The following PLD5 variants were observed in gnomAD, a reference collection of about 807,000 sequenced individuals.
PLD5 encodes the protein inactive phospholipase D5.
A neutral mutation model predicts 61.1 loss-of-function variants in PLD5; 36 were observed. The ratio of observed to expected loss-of-function variants is 0.59; its 90% CI spans 0.45 to 0.78. PLD5 has a LOEUF of 0.78. Ranked by LOEUF, PLD5 falls within the 30% of genes least tolerant of loss-of-function variation. The probability of loss-of-function intolerance (pLI) is 0.00; values close to 1 mark genes in which losing one functional copy is unlikely to be tolerated. For synonymous variants in PLD5, 243 were observed against 242.8 expected (o/e 1.00, Z -0.01); for missense variants, 515 against 644.4 (o/e 0.80, Z 2.17).
intron 1 of PLD5, among the ~76,000 whole-genome samples, chr1:242,437,355 C>T (rs12047367): frequency 0.07 from 10,628 of 152,186 alleles, 445 homozygotes; most frequent in South Asian, 0.11. Context: ...TGATGCCCTG[C>T]GGTTCACTCA....
intron 2 of PLD5, among the ~76,000 whole-genome samples, chr1:242,317,337 G>A (rs559576808): frequency 6.6e-6 from 1 of 152,262 alleles, no homozygotes; most frequent in Admixed American, 6.5e-5. Flanking sequence ...GAACATTTAG[G>A]TTGATTCTAT....
intron 5 of PLD5, among the ~76,000 whole-genome samples, chr1:242,202,211 T>C (rs1242774082): frequency 6.6e-6 from 1 of 151,526 alleles, no homozygotes; most frequent in South Asian, 2.1e-4. Context: ...AGACTCTGTA[T>C]CCAAAAAACA....
At chr1:242,204,976 C>A (rs1255612849) in intron 5 of PLD5, among the ~76,000 whole-genome samples, 2 of 152,172 alleles carry the variant, frequency 1.3e-5, no homozygotes, top group African/African-American at 2.4e-5. Context: ...CCAAAGTCCA[C>A]AATGGGCAGG....
intron 4 of PLD5, among the ~76,000 whole-genome samples, chr1:242,238,760 A>G (rs560913180): frequency 6.6e-6 from 1 of 152,328 alleles, no homozygotes; most frequent in East Asian, 1.9e-4. Context: ...GTTCAATGAT[A>G]TGGCTATTTG....
intron 1 of PLD5, among the ~76,000 whole-genome samples, chr1:242,436,542 T>G (rs188340509): frequency 6.6e-6 from 1 of 152,262 alleles, no homozygotes; most frequent in East Asian, 1.9e-4. Flanking sequence ...ATAGCTCAAA[T>G]CCACAGACCC....
rs150671297 is a variant in PLD5, at chr1:242,276,878, G to A, written c.496-11430C>T. Among the ~76,000 whole-genome samples, 16 of 152,164 alleles carry A rather than the reference G, an allele frequency of 1.1e-4. 1 individual carries two copies. In the East Asian group the frequency reaches 3.1e-3, roughly 30 times the overall value. The stretch of plus-strand genomic sequence containing the variant: ...TGAGTCTGAACAGTTCATCATCAAG[G>A]CCTTGCTTAATGATGGTTATCTCAA... On this transcript the variant is annotated intron_variant, in intron 3 of 9. Coordinates refer to ENST00000536534, the MANE Select transcript of PLD5 (RefSeq NM_001372062.1).
chr1:242,268,185 T>G (rs1673818952), intron 3 of PLD5, among the ~76,000 whole-genome samples: 1 of 152,126 alleles, frequency 6.6e-6, no homozygotes. Flanking sequence ...CATTCTACTC[T>G]TACTCCATTG....
chr1:242,130,090 C>T (rs142317246), intron 5 of PLD5, among the ~76,000 whole-genome samples: 2,526 of 148,058 alleles, frequency 0.017, 70 homozygotes, highest in African/African-American at 0.058. Context: ...CTCACTCTGT[C>T]GCCCAGGCTG....
intron 3 of PLD5, among the ~76,000 whole-genome samples, chr1:242,267,177 T>A (rs28473586): frequency 1.4e-3 from 154 of 108,742 alleles, no homozygotes; most frequent in South Asian, 3.3e-3. Context: ...GGAAAGGAAA[T>A]GGAAAGGGAA....
intron 1 of PLD5, among the ~76,000 whole-genome samples, chr1:242,418,181 G>A (rs1664932613): frequency 7.2e-6 from 1 of 138,182 alleles, no homozygotes; most frequent in Non-Finnish European, 1.7e-5. Context: ...TCTGAAATCT[G>A]AGAGGACAAA....
intron 5 of PLD5, among the ~76,000 whole-genome samples, chr1:242,126,261 C>T (rs1662775090): frequency 6.6e-6 from 1 of 152,172 alleles, no homozygotes; most frequent in African/African-American, 2.4e-5. Context: ...AAATTCAATG[C>T]AATTCCCATC....
chr1:242,469,194 G>C (rs1457588342), intron 1 of PLD5, among the ~76,000 whole-genome samples: 5 of 152,228 alleles, frequency 3.3e-5, no homozygotes, highest in Non-Finnish European at 7.3e-5. Context: ...AAGTGGGATT[G>C]CTTGTATAGA....
chr1:242,247,326 G>C (rs1672449546), intron 4 of PLD5, among the ~76,000 whole-genome samples: 1 of 152,186 alleles, frequency 6.6e-6, no homozygotes, highest in Non-Finnish European at 1.5e-5. Flanking sequence ...GTTAAGCTTT[G>C]TGTGAAACCT....
rs34280777 is a variant in PLD5, at chr1:242,168,846, G to GTT, written c.736-44183_736-44182dup. The stretch of plus-strand genomic sequence containing the variant: ...TCCATGACAGTTTTTAATTAATGAA[G>GTT]TTTTTTTTTTTTTTTTTTTTACCAC... On this transcript the variant is annotated intron_variant, in intron 5 of 9. Transcript: ENST00000536534. 3.7e-3 allele frequency among the ~76,000 whole-genome samples: 407 copies of GTT among 111,270 alleles called. 9 individuals carry two copies. The highest frequency in any genetic ancestry group is 6.3e-3 in the Middle Eastern group (1 of 158). The allele number at this position is 111,270 out of a possible 152,430, so 73.0% of individuals were successfully genotyped here. A position where few individuals can be genotyped will look rare whatever the true frequency, so the allele number is the denominator to read the frequency against.
At chr1:242,163,147 C>CTTTTTTTTTTTTTTT (rs147011306) in intron 5 of PLD5, among the ~76,000 whole-genome samples, 1 of 142,008 alleles carries the variant, frequency 7.0e-6, no homozygotes, top group South Asian at 2.2e-4. Flanking sequence ...CTTTTCTTTT[C>CTTTTTTTTTTTTTTT]TTTCTTTTCT....
chr1:242,492,810 T>C (rs143812982), intron 1 of PLD5, among the ~76,000 whole-genome samples: 233 of 152,278 alleles, frequency 1.5e-3, no homozygotes, highest in African/African-American at 5.3e-3. Flanking sequence ...GTTGTCTCCG[T>C]GTATTCTCAT....
chr1:242,170,235 G>A (rs975822190), intron 5 of PLD5, among the ~76,000 whole-genome samples: 3 of 152,186 alleles, frequency 2.0e-5, no homozygotes, highest in African/African-American at 7.2e-5. Context: ...CAAGAAAAAA[G>A]AACAGGCAGC....
chr1:242,277,215 G>A (rs1456237070), intron 3 of PLD5, among the ~76,000 whole-genome samples: 1 of 152,124 alleles, frequency 6.6e-6, no homozygotes, highest in Non-Finnish European at 1.5e-5. Flanking sequence ...AAAGAGGGGA[G>A]ACCAAGGCAA....
At chr1:242,381,340 C>T (rs12562233) in intron 1 of PLD5, among the ~76,000 whole-genome samples, 14,444 of 151,968 alleles carry the variant, frequency 0.095, 984 homozygotes, top group East Asian at 0.21. Flanking sequence ...TAAGTGGGAG[C>T]TGAACGATAC....
Sources: gnomAD v4.1 joint callset for allele counts (sites outside exome capture counted in the v4.1 genomes callset) on GRCh38, gnomAD v4.1.1 for gene constraint, MANE v1.5 for transcripts, NCBI Gene and HGNC (gene_info 2026-07-23, HGNC 2026-07-21) for gene names.